Variants in MATN2 observed in about 807,000 individuals in gnomAD.
MATN2 encodes matrilin-2.
Under a neutral mutation model 103.2 loss-of-function variants are expected in MATN2, and 69 were observed. The ratio of observed to expected loss-of-function variants is 0.67; its 90% CI spans 0.55 to 0.82. The LOEUF (loss-of-function observed/expected upper bound fraction) is 0.82, where lower values mean the gene tolerates loss of function less well. Ranked by LOEUF, MATN2 falls within the 40% of genes least tolerant of loss-of-function variation. The pLI is 0.00. For synonymous variants in MATN2, 429 were observed against 450.2 expected, an observed-to-expected ratio of 0.95 and a Z score of 0.60; for missense variants, 1,023 against 1,211.5, an observed-to-expected ratio of 0.84 and a Z score of 2.31.
intron 2 of MATN2, among the ~76,000 whole-genome samples, chr8:97,894,267 A>G (rs1818729991): frequency 6.7e-6 from 1 of 148,232 alleles, no homozygotes. Flanking sequence ...AGTAAAATTT[A>G]CTCATAACAG....
intron 3 of MATN2, among the ~76,000 whole-genome samples, chr8:97,933,560 AT>A (rs1810272649): frequency 7.9e-6 from 1 of 125,866 alleles, no homozygotes; most frequent in South Asian, 2.8e-4. Flanking sequence ...CGAATAGGAT[AT>A]ACCAATGTGG....
rs58985201 is a variant in MATN2, at chr8:97,992,745, C to CAAAAAAAAAAA, written c.1082-1720_1082-1710dup. 5.8e-3 allele frequency among the ~76,000 whole-genome samples: 286 copies of CAAAAAAAAAAA among 49,550 alleles called. 18 individuals are homozygous for CAAAAAAAAAAA. The highest frequency in any genetic ancestry group is 0.025 in the African/African-American group (271 of 10,996). The allele number at this position is 49,550 out of a possible 152,430, so 32.5% of individuals were successfully genotyped here. ...TGGGTGTTAGAGTGAGACTCCATCT[C>CAAAAAAAAAAA]AAAAAAAAAAAAAAAAAAAAAAAAA... On this transcript the variant is annotated intron_variant, in intron 6 of 18. Transcript: ENST00000254898.
chr8:97,892,819 G>A (rs1586384130), intron 2 of MATN2, among the ~76,000 whole-genome samples: 1 of 152,128 alleles, frequency 6.6e-6, no homozygotes, highest in South Asian at 2.1e-4. Context: ...AGGCCTCAGG[G>A]ACCCCTAGAA....
intron 18 of MATN2, among the ~76,000 whole-genome samples, chr8:98,034,570 C>G (rs966998925): frequency 1.3e-5 from 2 of 152,158 alleles, no homozygotes; most frequent in Non-Finnish European, 2.9e-5. Context: ...ATTCTGCCCT[C>G]AAGAGGGCAG....
chr8:98,008,033 C>A (rs1404484295), intron 10 of MATN2, among the ~76,000 whole-genome samples: 1 of 152,162 alleles, frequency 6.6e-6, no homozygotes, highest in Admixed American at 6.5e-5. Flanking sequence ...AGTAAAGAGC[C>A]TAAGGTCACC....
At chr8:97,974,404 G>A (rs1031458042) in intron 5 of MATN2, among the ~76,000 whole-genome samples, 8 of 151,062 alleles carry the variant, frequency 5.3e-5, no homozygotes, top group Admixed American at 3.3e-4. Flanking sequence ...CTCCCAAAGC[G>A]CTGGGATTAC....
chr8:97,892,375 C>T lies in MATN2; in HGVS notation c.142+4133C>T, dbSNP rs141483385. ...CTGCATGAGTGAGCCGTGATGGTGC[C>T]ACTGCACTCCAGCCTGGGTGACAGA... On this transcript the variant is annotated intron_variant, in intron 2 of 18. Transcript: ENST00000254898. Among the ~76,000 whole-genome samples the T allele has an allele frequency of 7.8e-4, 108 of 138,956 alleles. No homozygotes were observed. The East Asian group carries it at 0.021, about 27-fold the overall frequency. The allele number at this position is 138,956 out of a possible 152,430, so 91.2% of individuals were successfully genotyped here. A position where few individuals can be genotyped will look rare whatever the true frequency, so the allele number is the denominator to read the frequency against.
intron 13 of MATN2, chr8:98,024,718 T>G (rs1268254316): frequency 6.6e-6 from 1 of 152,216 alleles, no homozygotes; most frequent in East Asian, 1.9e-4. Flanking sequence ...AAAGGGCTTA[T>G]CCATGCCTGA....
chr8:97,999,251 G>A (rs902354503), intron 7 of MATN2, among the ~76,000 whole-genome samples: 7 of 152,082 alleles, frequency 4.6e-5, no homozygotes, highest in African/African-American at 1.7e-4. Flanking sequence ...ATAGATCCCT[G>A]GGTTGCTTCC....
At position 97,895,948 on chromosome 8, in the gene MATN2, G is replaced by A. The variant is rs74348017; in HGVS notation, c.142+7706G>A. 2.0e-3 allele frequency among the ~76,000 whole-genome samples: 301 copies of A among 152,342 alleles called. 1 individual carries two copies. The highest frequency in any genetic ancestry group is 3.0e-3 in the African/African-American group (125 of 41,568). On this transcript the variant is annotated intron_variant, in intron 2 of 18. Coordinates refer to ENST00000254898, the MANE Select transcript of MATN2 (RefSeq NM_002380.5). ...ATGCATGGCTTAGGGGCAGATATGC[G>A]TTGGAGCAAAGAGAAAGACACGCGT...
chr8:98,025,672 G>C (rs970890169), intron 13 of MATN2: 1 of 370,608 alleles, frequency 2.7e-6, no homozygotes, highest in Non-Finnish European at 5.4e-6. Flanking sequence ...CTTGAACCTG[G>C]GAGGCAGAAG....
intron 2 of MATN2, among the ~76,000 whole-genome samples, chr8:97,896,353 G>T (rs1818805353): frequency 6.6e-6 from 1 of 152,240 alleles, no homozygotes; most frequent in Non-Finnish European, 1.5e-5. Flanking sequence ...TCCCTTCTAT[G>T]TGGGAACCCT....
At chr8:97,925,734 T>C (rs147674305) in intron 2 of MATN2, among the ~76,000 whole-genome samples, 1 of 152,310 alleles carries the variant, frequency 6.6e-6, no homozygotes, top group East Asian at 1.9e-4. Flanking sequence ...GGACAGAAAG[T>C]GGCAGAGGCT....
intron 7 of MATN2, among the ~76,000 whole-genome samples, chr8:97,998,127 G>C (rs1449229705): frequency 6.6e-6 from 1 of 151,478 alleles, no homozygotes; most frequent in East Asian, 2.0e-4. Flanking sequence ...GCCGAAAAGG[G>C]TGGTATTTGA....
intron 2 of MATN2, among the ~76,000 whole-genome samples, chr8:97,913,768 C>T (rs1182865925): frequency 6.6e-6 from 1 of 151,960 alleles, no homozygotes; most frequent in African/African-American, 2.4e-5. Flanking sequence ...GCACGTGCCA[C>T]CACGCCCAGC....
intron 1 of MATN2, among the ~76,000 whole-genome samples, chr8:97,870,085 A>G (rs1307610477): frequency 6.6e-5 from 10 of 152,234 alleles, no homozygotes; most frequent in Admixed American, 6.5e-4. Context: ...GGTCGAGAGC[A>G]GAGACTGGGG....
At chr8:98,025,691 A>G (rs911791572) in intron 13 of MATN2, 17 of 390,708 alleles carry the variant, frequency 4.4e-5, no homozygotes, top group African/African-American at 3.5e-4. Flanking sequence ...AGTTGCAGTA[A>G]GCCAAGATCG....
Position 97,911,239 on chromosome 8 carries a change from C to T in MATN2, c.143-19714C>T, listed in dbSNP as rs1178329033. Among the ~76,000 whole-genome samples the T allele has an allele frequency of 5.9e-5, 9 of 151,916 alleles. No individual in the cohort carries two copies. In the East Asian group the frequency reaches 9.8e-4, roughly 16 times the overall value. On this transcript the variant is annotated intron_variant, in intron 2 of 18. Transcript: ENST00000254898. ...AACTCCTGACCTCCAGTGATCCGCCCGCCTCAGCCTCCAAAGTGCTGGGAT... is the reference window on the plus strand; with the variant it reads ...AACTCCTGACCTCCAGTGATCCGCCTGCCTCAGCCTCCAAAGTGCTGGGAT...
chr8:97,869,436 G>T (rs1232942897), intron 1 of MATN2, 149 bp downstream of exon 1: 1 of 131,570 alleles, frequency 7.6e-6, no homozygotes, highest in East Asian at 2.1e-4. Flanking sequence ...GCGCCCCGGG[G>T]CCCCGGCGCC....
Sources: gnomAD v4.1 joint callset for allele counts (sites outside exome capture counted in the v4.1 genomes callset) on GRCh38, gnomAD v4.1.1 for gene constraint, MANE v1.5 for transcripts, NCBI Gene and HGNC (gene_info 2026-07-23, HGNC 2026-07-21) for gene names.